GTPBP4: variants seen among roughly 807,000 people sequenced by gnomAD.
GTPBP4 encodes GTP binding protein 4, also known as GTP-binding protein 4.
Under a neutral mutation model 81.7 loss-of-function variants are expected in GTPBP4, and 15 were observed. That is an observed-to-expected ratio of 0.18 (90% CI 0.12 to 0.28). The LOEUF (loss-of-function observed/expected upper bound fraction) is 0.28, where lower values mean the gene tolerates loss of function less well. Ranked by LOEUF, GTPBP4 falls within the 10% of genes least tolerant of loss-of-function variation. GTPBP4 has a pLI of 1.00. For synonymous variants in GTPBP4, 272 were observed against 274.6 expected, an observed-to-expected ratio of 0.99 and a Z score of 0.09; for missense variants, 847 against 793.8, an observed-to-expected ratio of 1.07 and a Z score of -0.81.
Position 996,213 on chromosome 10 carries a change from A to G in GTPBP4, c.431A>G (p.Gln144Arg), listed in dbSNP as rs1183232069. ...LGRMCTVIKR[Q>R]KQSLEYLEQV... ...CGGATGTGCACAGTGATCAAGAGGC[A>G]GAAGCAGAGTTTGGAGTATTTGGAG... Residue 144 changes from glutamine to arginine, a missense_variant, in exon 4 of 17, where the codon CAG becomes CGG. Gln to Arg is a conservative substitution (Grantham distance 43). Transcript: ENST00000360803. The G allele has an allele frequency of 6.2e-7, 1 of 1,613,728 alleles. No homozygotes were observed. The highest frequency in any genetic ancestry group is 1.1e-5 in the South Asian group (1 of 91,024).
intron 1 of GTPBP4, among the ~76,000 whole-genome samples, chr10:991,980 C>T (rs1312091525): frequency 6.7e-6 from 1 of 150,022 alleles, no homozygotes; most frequent in Non-Finnish European, 1.5e-5. Flanking sequence ...CAGGCGTGAG[C>T]CACCGCGCCC....
intron 13 of GTPBP4, among the ~76,000 whole-genome samples, chr10:1,011,319 A>G (rs578181234): frequency 6.6e-6 from 1 of 152,280 alleles, no homozygotes; most frequent in Non-Finnish European, 1.5e-5. Flanking sequence ...CTTAGCATAT[A>G]AAAGTCCACA....
At chr10:989,794 G>C (rs556075302) in intron 1 of GTPBP4, among the ~76,000 whole-genome samples, 6 of 152,106 alleles carry the variant, frequency 3.9e-5, no homozygotes, top group African/African-American at 1.4e-4. Flanking sequence ...AGGTTGGAGC[G>C]CAGTGGTGTG....
At chr10:1,012,800 T>TGCA in intron 14 of GTPBP4, 138 bp downstream of exon 14, 4 of 632,324 alleles carry the variant, frequency 6.3e-6, no homozygotes, top group Non-Finnish European at 1.1e-5. Context: ...TGTATGGATT[T>TGCA]GCAAGATCGC....
chr10:990,651 C>G (rs549826055), intron 1 of GTPBP4, among the ~76,000 whole-genome samples: 1 of 147,232 alleles, frequency 6.8e-6, no homozygotes, highest in East Asian at 2.0e-4. Context: ...TGAACTGAAC[C>G]CAGGAGGCAG....
Position 999,060 on chromosome 10 carries a change from G to T in GTPBP4, c.619G>T (p.Val207Phe). Residue 207 changes from valine (V) to phenylalanine (F), a missense_variant, in exon 6 of 17, where the codon GTT (valine) becomes TTT (phenylalanine). Coordinates refer to ENST00000360803, the MANE Select transcript of GTPBP4 (RefSeq NM_012341.3). ...PYAFTTKSLF[V>F]GHMDYKYLRW... ...TGCGTTCACAACCAAGTCTCTGTTT[G>T]TTGGGCACATGGATTATAAGTATCT... The T allele has an allele frequency of 1.2e-6, 2 of 1,604,490 alleles. No homozygotes were observed. Among genetic ancestry groups the T allele is most frequent in the Non-Finnish European group, 8.5e-7 (1 of 1,171,210 alleles).
At chr10:1,012,841 C>T (rs1279790817) in intron 14 of GTPBP4, among the ~76,000 whole-genome samples, 179 bp downstream of exon 14, 1 of 152,136 alleles carries the variant, frequency 6.6e-6, no homozygotes, top group African/African-American at 2.4e-5. Context: ...TTCTTTACTG[C>T]GTCCTTTCTT....
Position 992,638 on chromosome 10 carries a change from A to T in GTPBP4, c.198A>T (p.Leu66=). 1 of 1,607,238 alleles carries T rather than the reference A, an allele frequency of 6.2e-7. No individual in the cohort carries two copies. The highest frequency in any genetic ancestry group is 8.5e-7 in the Non-Finnish European group (1 of 1,175,458). The part of the protein sequence containing the change: ...QNYHDRLSQI[L]TDFPKLDDIH... Reference sequence around the variant, plus strand: ...ACCATGATAGACTTTCACAAATTCTAACAGATTTCCCCAAATTGGATGTAA... The same window carrying T: ...ACCATGATAGACTTTCACAAATTCTTACAGATTTCCCCAAATTGGATGTAA... The change falls in exon 2 of 17, where the codon CTA becomes CTT. Residue 66 remains leucine (L), a synonymous_variant. Coordinates refer to ENST00000360803, the MANE Select transcript of GTPBP4 (RefSeq NM_012341.3).
chr10:996,794 C>T lies in GTPBP4; in HGVS notation c.461-414C>T, dbSNP rs537141832. 1.9e-4 allele frequency: 32 copies of T among 172,020 alleles called. No homozygotes were observed. In the South Asian group the frequency reaches 4.7e-3, roughly 25 times the overall value. The allele number at this position is 172,020 out of a possible 1,614,324, so 10.7% of individuals were successfully genotyped here. On this transcript the variant is annotated intron_variant, in intron 4 of 16. Coordinates refer to ENST00000360803, the MANE Select transcript of GTPBP4 (RefSeq NM_012341.3). ...GATGGCCGGGGTGCCACCCTGGAGC[C>T]GTGTTTGTTACAGACGAGGTGGCAG...
intron 11 of GTPBP4, 45 bp downstream of exon 11, chr10:1,009,080 A>G: frequency 7.1e-7 from 1 of 1,418,004 alleles, no homozygotes; most frequent in Non-Finnish European, 1.0e-6. Context: ...GGGGGGAGGC[A>G]GGCTGTGTGT....
rs986183492 is a variant in GTPBP4, at chr10:1,008,315, G to T, written c.1114-643G>T. 28 of 368,326 alleles carry T rather than the reference G, an allele frequency of 7.6e-5. No individual in the cohort carries two copies. The East Asian group carries it at 1.9e-3, about 25-fold the overall frequency. The allele number at this position is 368,326 out of a possible 1,614,324, so 22.8% of individuals were successfully genotyped here. On this transcript the variant is annotated intron_variant, in intron 10 of 16. Coordinates refer to ENST00000360803, the MANE Select transcript of GTPBP4 (RefSeq NM_012341.3). ...ACCTATTCAGGAGGCTGAGGCGGGAGAATCGTTTGAACCTGGGAGGTGGAG... is the reference window on the plus strand; with the variant it reads ...ACCTATTCAGGAGGCTGAGGCGGGATAATCGTTTGAACCTGGGAGGTGGAG...
At chr10:1,005,693 T>G (rs1831717297) in intron 8 of GTPBP4, 125 bp from the exon 9 acceptor site, 1 of 650,756 alleles carries the variant, frequency 1.5e-6, no homozygotes, top group Admixed American at 2.5e-5. Context: ...TATGTCTGTT[T>G]TTTAAGACTT....
At chr10:1,017,031 G>A (rs1832005436) in intron 16 of GTPBP4, 44 bp from the exon 17 acceptor site, 2 of 1,546,624 alleles carry the variant, frequency 1.3e-6, no homozygotes, top group East Asian at 4.5e-5. Context: ...TGGAAAATTG[G>A]TTTTAAGTAA....
At chr10:999,806 A>G (rs1425884336) in intron 6 of GTPBP4, among the ~76,000 whole-genome samples, 4 of 152,188 alleles carry the variant, frequency 2.6e-5, no homozygotes, top group African/African-American at 4.8e-5. Flanking sequence ...TAAAAATACA[A>G]AAATTAGCTG....
At chr10:992,443 AG>A in intron 1 of GTPBP4, 45 bp from the exon 2 acceptor site, 1 of 1,233,094 alleles carries the variant, frequency 8.1e-7, no homozygotes, top group Non-Finnish European at 1.2e-6. Context: ...ATGGCTCAAA[AG>A]TAGACCCTTT....
intron 6 of GTPBP4, among the ~76,000 whole-genome samples, chr10:1,000,005 C>CT (rs1831596568): frequency 6.6e-6 from 1 of 152,152 alleles, no homozygotes; most frequent in African/African-American, 2.4e-5. Context: ...TTTCCACACT[C>CT]TAATTTTGTA....
intron 10 of GTPBP4, chr10:1,008,418 A>T (rs1389164878): frequency 2.9e-6 from 1 of 348,376 alleles, no homozygotes. Flanking sequence ...AAAAAAAATT[A>T]TCTTTTATAC....
chr10:1,012,281 T>C, intron 13 of GTPBP4, 184 bp from the exon 14 acceptor site: 2 of 459,914 alleles, frequency 4.3e-6, no homozygotes, highest in Non-Finnish European at 4.0e-6. Flanking sequence ...TGGTCTCCAT[T>C]TTCTTCACAG....
intron 6 of GTPBP4, among the ~76,000 whole-genome samples, chr10:1,000,395 G>A (rs1831605003): frequency 1.3e-5 from 2 of 151,442 alleles, no homozygotes; most frequent in African/African-American, 4.9e-5. Context: ...CCGCCACCAC[G>A]CCCAGCTAAT....
Sources: gnomAD v4.1 joint callset for allele counts (sites outside exome capture counted in the v4.1 genomes callset) on GRCh38, gnomAD v4.1.1 for gene constraint, MANE v1.5 for transcripts, NCBI Gene and HGNC (gene_info 2026-07-23, HGNC 2026-07-21) for gene names.